DHX32: variants seen among roughly 807,000 people sequenced by gnomAD.
DHX32 encodes putative pre-mRNA-splicing factor ATP-dependent RNA helicase DHX32.
A neutral mutation model predicts 70.0 loss-of-function variants in DHX32; 51 were observed. That is an observed-to-expected ratio of 0.73 (90% confidence interval 0.58 to 0.92). The LOEUF (loss-of-function observed/expected upper bound fraction) is 0.92, where lower values mean the gene tolerates loss of function less well. Among genes scored for constraint, DHX32 ranks in the 40% least tolerant of loss-of-function variants. DHX32 has a pLI of 0.00. For synonymous variants in DHX32, 310 were observed against 315.3 expected (o/e 0.98, Z 0.18); for missense variants, 762 against 891.8 (o/e 0.85, Z 1.85).
At chr10:125,891,275 G>A (rs1427646188) in intron 1 of DHX32, among the ~76,000 whole-genome samples, 2 of 152,154 alleles carry the variant, frequency 1.3e-5, no homozygotes, top group African/African-American at 4.8e-5. Context: ...TTAAAGAACA[G>A]GTTACTGCTG....
Position 125,859,610 on chromosome 10 carries a change from C to T in DHX32, c.842G>A (p.Cys281Tyr). ...AGAGTATCACTTACTTACTTGTTCA[C>T]AGGCCAGAAAGACTACAATGTCACC... ...EKGDIVVFLA[C>Y]EQDIEKVCET... Residue 281 changes from cysteine to tyrosine, a missense_variant, in exon 3 of 11, where the codon TGT becomes TAT. Coordinates refer to ENST00000284690, the MANE Select transcript of DHX32 (RefSeq NM_018180.3). 1 of 1,573,672 alleles carries T rather than the reference C, an allele frequency of 6.4e-7. No individual in the cohort carries two copies. Among genetic ancestry groups the T allele is most frequent in the South Asian group, 1.2e-5 (1 of 83,682 alleles).
intron 1 of DHX32, among the ~76,000 whole-genome samples, chr10:125,888,485 G>T (rs61870747): frequency 6.8e-5 from 10 of 147,942 alleles, no homozygotes; most frequent in South Asian, 2.1e-4. Flanking sequence ...AATATTTTAA[G>T]ATTTATTTAA....
intron 4 of DHX32, chr10:125,853,758 A>G: frequency 3.6e-6 from 2 of 562,832 alleles, no homozygotes; most frequent in East Asian, 6.3e-5. Context: ...AATTTAATTC[A>G]TTTCCAAACC....
chr10:125,847,818 C>T (rs1043424615), intron 6 of DHX32, among the ~76,000 whole-genome samples: 6 of 152,030 alleles, frequency 3.9e-5, no homozygotes, highest in East Asian at 1.9e-4. Context: ...TCATAAGGAG[C>T]GGGCAGCCTA....
intron 3 of DHX32, among the ~76,000 whole-genome samples, chr10:125,858,156 C>T (rs1353954848): frequency 6.6e-6 from 1 of 152,126 alleles, no homozygotes; most frequent in Non-Finnish European, 1.5e-5. Flanking sequence ...CCGCCTCAGC[C>T]TCCCAAAGTG....
At chr10:125,862,604 G>A (rs1488643141) in intron 2 of DHX32, among the ~76,000 whole-genome samples, 3 of 152,112 alleles carry the variant, frequency 2.0e-5, no homozygotes, top group African/African-American at 7.2e-5. Context: ...TTAAAAAAAA[G>A]AGAAGATGCT....
rs989313187 is a variant in DHX32, at chr10:125,878,356, C to T, written c.282+2187G>A. Among the ~76,000 whole-genome samples, 11 of 152,316 alleles carry T rather than the reference C, an allele frequency of 7.2e-5. No homozygotes were observed. The South Asian group carries it at 8.3e-4, about 11-fold the overall frequency. The stretch of plus-strand genomic sequence containing the variant: ...GGAGATGACTAAGTAAAGAAGACAT[C>T]GACTTACATCTTCATAACAAACTTC... On this transcript the variant is annotated intron_variant, in intron 1 of 10. Coordinates refer to ENST00000284690, the MANE Select transcript of DHX32 (RefSeq NM_018180.3).
Position 125,880,897 on chromosome 10 carries a change from A to G in DHX32, c.-73T>C. ...CTCCTATCAGTAACCCATTGCAAACAGGGCTTAAAAGCCTATTTATACAAA... is the reference window on the plus strand; with the variant it reads ...CTCCTATCAGTAACCCATTGCAAACGGGGCTTAAAAGCCTATTTATACAAA... On this transcript the variant is annotated 5_prime_UTR_variant, in exon 1 of 11. Transcript: ENST00000284690. The G allele has an allele frequency of 6.6e-7, 1 of 1,513,586 alleles. No individual in the cohort carries two copies. Among genetic ancestry groups the G allele is most frequent in the Non-Finnish European group, 8.9e-7 (1 of 1,125,594 alleles). The allele number at this position is 1,513,586 out of a possible 1,614,324, so 93.8% of individuals were successfully genotyped here.
At chr10:125,877,110 C>T (rs1944289033) in intron 1 of DHX32, among the ~76,000 whole-genome samples, 1 of 152,128 alleles carries the variant, frequency 6.6e-6, no homozygotes, top group Admixed American at 6.5e-5. Context: ...TCTGGGTGAA[C>T]AACATATGGA....
chr10:125,836,889 G>T, intron 10 of DHX32, 34 bp from the exon 11 acceptor site: 2 of 1,596,516 alleles, frequency 1.3e-6, no homozygotes, highest in Admixed American at 3.4e-5. Context: ...GAGATTATGA[G>T]TGGGGAAGGT....
At chr10:125,888,202 AT>A (rs36204414) in intron 1 of DHX32, among the ~76,000 whole-genome samples, 3,229 of 132,756 alleles carry the variant, frequency 0.024, 37 homozygotes, top group South Asian at 0.036. Context: ...TGAGCAATGC[AT>A]TTTTTTTTTT....
chr10:125,874,661 G>A (rs902146055), intron 1 of DHX32, among the ~76,000 whole-genome samples: 5 of 152,166 alleles, frequency 3.3e-5, no homozygotes, highest in African/African-American at 7.2e-5. Context: ...ACGAAGCCCT[G>A]TTTCTCATAG....
At chr10:125,886,379 T>C (rs1944341270) in intron 1 of DHX32, among the ~76,000 whole-genome samples, 1 of 152,202 alleles carries the variant, frequency 6.6e-6, no homozygotes, top group Admixed American at 6.5e-5. Flanking sequence ...ACATTTTCCC[T>C]CTTTGTTTTC....
intron 2 of DHX32, 37 bp from the exon 3 acceptor site, chr10:125,860,012 T>G (rs375771269): frequency 6.8e-7 from 1 of 1,476,296 alleles, no homozygotes; most frequent in East Asian, 2.3e-5. Flanking sequence ...AATATTCTTA[T>G]GCTAACTCAT....
intron 6 of DHX32, among the ~76,000 whole-genome samples, chr10:125,845,685 C>A (rs1431101922): frequency 6.6e-6 from 1 of 152,208 alleles, no homozygotes; most frequent in Non-Finnish European, 1.5e-5. Context: ...GATAGAGTGG[C>A]CTCCATGGTA....
chr10:125,873,408 TCATCAGGACGTC>T (rs1944266990), intron 1 of DHX32, among the ~76,000 whole-genome samples: 1 of 152,200 alleles, frequency 6.6e-6, no homozygotes, highest in Non-Finnish European at 1.5e-5. Flanking sequence ...TCACTTTTGA[TCATCAGGACGTC>T]CATCAGGGCC....
chr10:125,887,716 C>T (rs1479181303), intron 1 of DHX32, among the ~76,000 whole-genome samples: 1 of 152,042 alleles, frequency 6.6e-6, no homozygotes, highest in Non-Finnish European at 1.5e-5. Context: ...TCAAGTGATC[C>T]TCCTGCCTTA....
In DHX32 at chr10:125,866,609, G is replaced by A. The variant is rs1564829496; in HGVS notation, c.476+381C>T. On this transcript the variant is annotated intron_variant, in intron 2 of 10. Coordinates refer to ENST00000284690, the MANE Select transcript of DHX32 (RefSeq NM_018180.3). The surrounding 1 kb of genome is among the most constrained non-coding windows in gnomAD (Gnocchi z 4.8). ...CCGGACATGCTGAGCACAGGGAGGG[G>A]CAGGTGTACAGGCACAGGGTGTGGA... 6.6e-6 allele frequency among the ~76,000 whole-genome samples: 1 copy of A among 152,244 alleles called. No individual in the cohort carries two copies. Among genetic ancestry groups the A allele is most frequent in the Non-Finnish European group, 1.5e-5 (1 of 68,040 alleles).
At chr10:125,855,307 A>C (rs950656301) in intron 3 of DHX32, among the ~76,000 whole-genome samples, 3 of 152,028 alleles carry the variant, frequency 2.0e-5, no homozygotes, top group African/African-American at 7.2e-5. Context: ...GCTTGGCCTT[A>C]GGAGGACACG....
Sources: gnomAD v4.1 joint callset for allele counts (sites outside exome capture counted in the v4.1 genomes callset) on GRCh38, gnomAD v4.1.1 for gene constraint, Gnocchi (gnomAD v3.1) non-coding constraint, MANE v1.5 for transcripts, NCBI Gene and HGNC (gene_info 2026-07-23, HGNC 2026-07-21) for gene names.